The following FBXL17 variants were observed in gnomAD, a reference collection of about 807,000 sequenced individuals.
The protein encoded by FBXL17 is F-box and leucine rich repeat protein 17.
In FBXL17, 22 loss-of-function variants were observed where a neutral mutation model predicts 66.2. The observed-to-expected ratio is 0.33, with a 90% CI of 0.24 to 0.47. The LOEUF is 0.47. Among genes scored for constraint, FBXL17 ranks in the 20% least tolerant of loss-of-function variants. The pLI is 1.00. For missense variants in FBXL17, 878 were observed against 948.2 expected, an observed-to-expected ratio of 0.93 and a Z score of 0.97; for synonymous variants, 474 against 400.5, an observed-to-expected ratio of 1.18 and a Z score of -2.19.
chr5:108,207,982 T>C (rs1463178525), intron 5 of FBXL17, among the ~76,000 whole-genome samples: 1 of 152,168 alleles, frequency 6.6e-6, no homozygotes, highest in East Asian at 1.9e-4. Flanking sequence ...ATCTGTTGTT[T>C]CCTGACTTTT....
chr5:108,303,367 C>T (rs1481033406), intron 4 of FBXL17, among the ~76,000 whole-genome samples: 1 of 134,064 alleles, frequency 7.5e-6, no homozygotes, highest in African/African-American at 2.6e-5. Flanking sequence ...CATAAACACA[C>T]ACACACACAC....
At chr5:108,005,009 G>A (rs959794021) in intron 7 of FBXL17, among the ~76,000 whole-genome samples, 7 of 151,910 alleles carry the variant, frequency 4.6e-5, no homozygotes, top group Non-Finnish European at 8.8e-5. Flanking sequence ...AACACTCTAC[G>A]CTGGTTAGGG....
At chr5:108,016,513 C>G (rs1054504320) in intron 7 of FBXL17, among the ~76,000 whole-genome samples, 2 of 152,134 alleles carry the variant, frequency 1.3e-5, no homozygotes, top group African/African-American at 4.8e-5. Flanking sequence ...AATGTGACAA[C>G]TCAGAAAGAA....
At chr5:108,249,789 T>A (rs1243235509) in intron 4 of FBXL17, among the ~76,000 whole-genome samples, 1 of 152,146 alleles carries the variant, frequency 6.6e-6, no homozygotes, top group African/African-American at 2.4e-5. Context: ...AGAGGTTACC[T>A]GACCACAATT....
intron 4 of FBXL17, among the ~76,000 whole-genome samples, chr5:108,238,981 T>C (rs1755731862): frequency 6.6e-6 from 1 of 152,182 alleles, no homozygotes; most frequent in South Asian, 2.1e-4. Context: ...CAAATATTAC[T>C]TTTTAAATAA....
chr5:108,003,872 T>C (rs1163357843), intron 7 of FBXL17, among the ~76,000 whole-genome samples: 1 of 152,124 alleles, frequency 6.6e-6, no homozygotes, highest in Non-Finnish European at 1.5e-5. Context: ...TATGGCTAAA[T>C]GTCCAGAATA....
intron 6 of FBXL17, among the ~76,000 whole-genome samples, chr5:108,151,403 C>T (rs889249761): frequency 2.0e-5 from 3 of 152,060 alleles, no homozygotes; most frequent in African/African-American, 4.8e-5. Context: ...CTAACTTGTC[C>T]CAAAAAAGAG....
At chr5:107,862,357 T>A (rs1228686659) in intron 8 of FBXL17, among the ~76,000 whole-genome samples, 4 of 151,844 alleles carry the variant, frequency 2.6e-5, no homozygotes, top group African/African-American at 9.7e-5. Flanking sequence ...AGTTCCTTTG[T>A]GAAAAGGGCT....
At chr5:108,320,298 A>C (rs1759556989) in intron 4 of FBXL17, among the ~76,000 whole-genome samples, 1 of 151,778 alleles carries the variant, frequency 6.6e-6, no homozygotes, top group South Asian at 2.1e-4. Flanking sequence ...AATTCTTACT[A>C]TTTTTAAGGG....
intron 4 of FBXL17, among the ~76,000 whole-genome samples, chr5:108,317,513 T>C (rs1471861916): frequency 6.6e-6 from 1 of 151,154 alleles, no homozygotes; most frequent in Admixed American, 6.6e-5. Context: ...TGAAAAATTT[T>C]TGGAGATTTT....
intron 5 of FBXL17, among the ~76,000 whole-genome samples, chr5:108,191,943 T>C (rs1753485846): frequency 6.6e-6 from 1 of 152,230 alleles, no homozygotes; most frequent in African/African-American, 2.4e-5. Context: ...CACATGGCCT[T>C]CCCTATAACC....
At chr5:108,004,004 G>C (rs1753834971) in intron 7 of FBXL17, among the ~76,000 whole-genome samples, 1 of 151,994 alleles carries the variant, frequency 6.6e-6, no homozygotes. Flanking sequence ...TAAATAAAAA[G>C]AAACACATAG....
intron 5 of FBXL17, among the ~76,000 whole-genome samples, chr5:108,194,376 A>G (rs1378754069): frequency 6.6e-6 from 1 of 151,652 alleles, no homozygotes; most frequent in East Asian, 1.9e-4. Flanking sequence ...ATAGAGAGGA[A>G]AAAAAAAAGT....
intron 7 of FBXL17, among the ~76,000 whole-genome samples, chr5:108,010,364 TC>T (rs1397413351): frequency 6.6e-6 from 1 of 152,150 alleles, no homozygotes; most frequent in African/African-American, 2.4e-5. Context: ...CTCTAACTTC[TC>T]CAAAAGTAGA....
chr5:108,186,161 A>G lies in FBXL17; in HGVS notation c.1701T>C (p.Asn567=), dbSNP rs749049898. The G allele has an allele frequency of 8.7e-6, 14 of 1,612,562 alleles. No homozygotes were observed. In the East Asian group the frequency reaches 2.7e-4, roughly 31 times the overall value. Residue 567 remains asparagine (N), a synonymous_variant, in exon 6 of 9, where the codon AAT becomes AAC. Coordinates refer to ENST00000542267, the MANE Select transcript of FBXL17 (RefSeq NM_001163315.3). ...TCAGACAGAGATTGAGAGAGCTAAG[A>G]TTTTTGCACCTCTTGACAATTTCCA... ...TVMEIVKRCK[N]LSSLNLCLNW...
At chr5:107,933,501 G>A (rs1316643009) in intron 7 of FBXL17, among the ~76,000 whole-genome samples, 5 of 152,108 alleles carry the variant, frequency 3.3e-5, no homozygotes, top group African/African-American at 1.2e-4. Context: ...GAAGGTAGCT[G>A]GAACGCAAAG....
intron 7 of FBXL17, among the ~76,000 whole-genome samples, chr5:107,919,447 G>T (rs980798404): frequency 4.6e-5 from 7 of 152,158 alleles, no homozygotes; most frequent in Admixed American, 1.3e-4. Flanking sequence ...TCCTCTTAAA[G>T]TGTATCAGCT....
At chr5:108,104,192 C>T (rs576629372) in intron 6 of FBXL17, among the ~76,000 whole-genome samples, 28 of 152,214 alleles carry the variant, frequency 1.8e-4, no homozygotes, top group African/African-American at 5.8e-4. Context: ...TGCGCACCCA[C>T]GCCTGGATAA....
intron 4 of FBXL17, among the ~76,000 whole-genome samples, chr5:108,233,338 C>T (rs1755456099): frequency 6.6e-6 from 1 of 152,106 alleles, no homozygotes; most frequent in South Asian, 2.1e-4. Context: ...TTGCCAGCAC[C>T]ATTTGTTGAA....
Sources: allele counts gnomAD v4.1 joint callset (sites outside exome capture counted in the v4.1 genomes callset), GRCh38; gene constraint gnomAD v4.1.1; transcripts MANE v1.5; gene names NCBI Gene and HGNC (gene_info 2026-07-23, HGNC 2026-07-21).